KCNK5: variants seen among roughly 807,000 people sequenced by gnomAD.
The protein encoded by KCNK5 is potassium channel subfamily K member 5.
KCNK5 carries 18 observed loss-of-function variants against 32.9 expected under a neutral mutation model. That is an observed-to-expected ratio of 0.55 (90% CI 0.38 to 0.81). KCNK5 has a LOEUF of 0.81. Ranked by LOEUF, KCNK5 falls within the 30% of genes least tolerant of loss-of-function variation. The pLI is 0.00. For synonymous variants in KCNK5, 276 were observed against 275.3 expected (o/e 1.00, Z -0.03); for missense variants, 507 against 651.0 (o/e 0.78, Z 2.41).
chr6:39,223,790 G>A (rs4714225), intron 1 of KCNK5, among the ~76,000 whole-genome samples: 41,882 of 152,080 alleles, frequency 0.28, 6,651 homozygotes, highest in South Asian at 0.42. Flanking sequence ...CGAGGTCAGG[G>A]CCAGCCAAGC....
rs116571807 is a variant in KCNK5 at position 39,215,511 on chromosome 6, G to A, written c.186+13415C>T. On this transcript the variant is annotated intron_variant, in intron 1 of 4. Transcript: ENST00000359534. ...GTGCCTACCTCCATCCCGCACTGGG[G>A]GCATGAGAGGAGCAGGAACCTTGCA... 5.8e-3 allele frequency among the ~76,000 whole-genome samples: 883 copies of A among 152,312 alleles called. 7 individuals are homozygous for A. The highest frequency in any genetic ancestry group is 0.02 in the African/African-American group (830 of 41,580).
chr6:39,216,982 G>A (rs1353717813), intron 1 of KCNK5, among the ~76,000 whole-genome samples: 2 of 151,924 alleles, frequency 1.3e-5, no homozygotes, highest in Non-Finnish European at 2.9e-5. Context: ...TTAGCTGGGT[G>A]TGGTGGCACA....
Position 39,194,726 on chromosome 6 carries a change from A to C in KCNK5, c.333T>G (p.Gly111=). The C allele has an allele frequency of 6.2e-7, 1 of 1,614,110 alleles. No individual in the cohort carries two copies. Residue 111 remains glycine, a synonymous_variant, in exon 3 of 5, where the codon GGT becomes GGG. Coordinates refer to ENST00000359534, the MANE Select transcript of KCNK5 (RefSeq NM_003740.4). The surrounding 1 kb of genome is among the most constrained non-coding windows in gnomAD (Gnocchi z 4.7). ...GACCATAGAAAACACAGAAGAGGCG[A>C]CCGGCGGGGGTCTTGGGAGCCACAT... ...YGNVAPKTPA[G]RLFCVFYGLF...
intron 1 of KCNK5, among the ~76,000 whole-genome samples, chr6:39,206,557 G>A (rs186014306): frequency 4.1e-4 from 63 of 152,270 alleles, no homozygotes; most frequent in African/African-American, 1.4e-3. Flanking sequence ...TTCCCGGGCC[G>A]CCCAGCTGCC....
At chr6:39,195,494 A>G (rs1478993962) in intron 2 of KCNK5, among the ~76,000 whole-genome samples, 1 of 152,354 alleles carries the variant, frequency 6.6e-6, no homozygotes, top group South Asian at 2.1e-4. Context: ...AGAATGGTGA[A>G]AGAGAAGAAG....
intron 1 of KCNK5, 70 bp from the exon 2 acceptor site, chr6:39,196,057 T>G: frequency 9.4e-7 from 1 of 1,058,418 alleles, no homozygotes; most frequent in South Asian, 1.7e-5. Context: ...AGAACTGCAC[T>G]AAACTCCTTG....
chr6:39,222,840 A>G (rs992092326), intron 1 of KCNK5, among the ~76,000 whole-genome samples: 2 of 152,254 alleles, frequency 1.3e-5, no homozygotes, highest in African/African-American at 4.8e-5. Flanking sequence ...AGTTAAGTTC[A>G]CAGAAACAGA....
intron 1 of KCNK5, among the ~76,000 whole-genome samples, chr6:39,211,961 T>C (rs995874310): frequency 6.7e-6 from 1 of 148,462 alleles, no homozygotes; most frequent in Non-Finnish European, 1.5e-5. Context: ...CAAAACTCTG[T>C]CTCAAAAAGA....
chr6:39,207,353 G>A (rs1244441614), intron 1 of KCNK5, among the ~76,000 whole-genome samples: 1 of 152,162 alleles, frequency 6.6e-6, no homozygotes, highest in East Asian at 1.9e-4. Flanking sequence ...CTTAATCACA[G>A]AACAGAACCT....
intron 1 of KCNK5, among the ~76,000 whole-genome samples, chr6:39,217,633 G>C (rs889944701): frequency 6.6e-6 from 1 of 152,180 alleles, no homozygotes; most frequent in African/African-American, 2.4e-5. Flanking sequence ...GAGGCTGGAG[G>C]CCAGTTAAAT....
intron 1 of KCNK5, among the ~76,000 whole-genome samples, chr6:39,206,132 CAAA>C (rs1771221746): frequency 1.3e-5 from 2 of 151,492 alleles, no homozygotes; most frequent in Non-Finnish European, 2.9e-5. Flanking sequence ...ATGGTGAAGC[CAAA>C]CAGCAAGCTG....
At chr6:39,228,674 G>A (rs917044178) in intron 1 of KCNK5, among the ~76,000 whole-genome samples, 4 of 152,122 alleles carry the variant, frequency 2.6e-5, no homozygotes, top group Non-Finnish European at 5.9e-5. Context: ...TAGTTCACCC[G>A]GGAATCAACT....
chr6:39,218,099 C>G (rs1253324090), intron 1 of KCNK5, among the ~76,000 whole-genome samples: 4 of 134,480 alleles, frequency 3.0e-5, no homozygotes, highest in African/African-American at 1.1e-4. Flanking sequence ...GAGATGGAGT[C>G]TAGCTTTGTC....
intron 1 of KCNK5, among the ~76,000 whole-genome samples, chr6:39,199,869 G>T (rs539020626): frequency 1.3e-5 from 2 of 152,316 alleles, no homozygotes; most frequent in Non-Finnish European, 2.9e-5. Context: ...GGCTCTTCCT[G>T]TCATTCTGCC....
At chr6:39,206,879 T>C (rs1771234581) in intron 1 of KCNK5, among the ~76,000 whole-genome samples, 1 of 152,166 alleles carries the variant, frequency 6.6e-6, no homozygotes, top group African/African-American at 2.4e-5. Context: ...GCTGGGCACA[T>C]GGGGCGTGTT....
chr6:39,189,913 C>A lies in KCNK5; in HGVS notation c.*977G>T. 6.6e-6 allele frequency: 1 copy of A among 152,634 alleles called. No homozygotes were observed. Among genetic ancestry groups the A allele is most frequent in the Non-Finnish European group, 1.5e-5 (1 of 68,172 alleles). 9.5% of individuals were successfully genotyped at this position (152,634 alleles called of 1,614,324 possible). On this transcript the variant is annotated 3_prime_UTR_variant, in exon 5 of 5. Coordinates refer to ENST00000359534, the MANE Select transcript of KCNK5 (RefSeq NM_003740.4). ...GGGGCTGGTGGGAGGGGAAGGCGGG[C>A]AGTGAGGTCCTTGTTCAGGGCACAG...
intron 1 of KCNK5, among the ~76,000 whole-genome samples, chr6:39,199,120 C>T (rs1771082863): frequency 6.6e-6 from 1 of 152,154 alleles, no homozygotes; most frequent in African/African-American, 2.4e-5. Context: ...GATGCTCTGG[C>T]ATTGAGAAGG....
At chr6:39,220,870 C>T (rs776233819) in intron 1 of KCNK5, among the ~76,000 whole-genome samples, 7 of 152,178 alleles carry the variant, frequency 4.6e-5, no homozygotes, top group Non-Finnish European at 7.3e-5. Context: ...ATGGGCATGA[C>T]GGACATACCG....
chr6:39,201,254 T>C (rs1034548829), intron 1 of KCNK5, among the ~76,000 whole-genome samples: 1 of 59,950 alleles, frequency 1.7e-5, no homozygotes, highest in Admixed American at 1.8e-4. Flanking sequence ...TTTTTTCTTC[T>C]TTTTTTTTTT....
Sources: allele counts gnomAD v4.1 joint callset (sites outside exome capture counted in the v4.1 genomes callset), GRCh38; gene constraint gnomAD v4.1.1; non-coding constraint Gnocchi (gnomAD v3.1); transcripts MANE v1.5; gene names NCBI Gene and HGNC (gene_info 2026-07-23, HGNC 2026-07-21).